PLXNC1: variants seen among roughly 807,000 people sequenced by gnomAD.
PLXNC1 encodes the protein plexin-C1.
Under a neutral mutation model 178.2 loss-of-function variants are expected in PLXNC1, and 75 were observed. The observed-to-expected ratio is 0.42, with a 90% CI of 0.35 to 0.51. PLXNC1 has a LOEUF of 0.51. Among genes scored for constraint, PLXNC1 ranks in the 20% least tolerant of loss-of-function variants. The pLI is 0.02. For synonymous variants in PLXNC1, 790 were observed against 779.9 expected, an observed-to-expected ratio of 1.01 and a Z score of -0.22; for missense variants, 1,503 against 1,984.4, an observed-to-expected ratio of 0.76 and a Z score of 4.61.
Position 94,295,458 on chromosome 12 carries a change from C to A in PLXNC1, c.3934+918C>A, listed in dbSNP as rs572913582. Among the ~76,000 whole-genome samples the A allele has an allele frequency of 6.6e-5, 10 of 152,258 alleles. 1 individual carries two copies. The highest frequency in any genetic ancestry group is 1.4e-4 in the African/African-American group (6 of 41,542). Reference sequence around the variant, plus strand: ...TGGTTTTTAGGTTTCAAAGATTGGGCCTTTTGAAGAGCCTATTATTTGGGG... The same window carrying A: ...TGGTTTTTAGGTTTCAAAGATTGGGACTTTTGAAGAGCCTATTATTTGGGG... On this transcript the variant is annotated intron_variant, in intron 24 of 30. Transcript: ENST00000258526.
At chr12:94,154,036 A>G (rs1961061272) in intron 1 of PLXNC1, among the ~76,000 whole-genome samples, 2 of 152,262 alleles carry the variant, frequency 1.3e-5, no homozygotes. Context: ...CACATATTAT[A>G]TGCAAAAATG....
chr12:94,149,733 G>T lies in PLXNC1; in HGVS notation c.762G>T (p.Thr254=). 1.2e-6 allele frequency: 2 copies of T among 1,611,848 alleles called. No homozygotes were observed. The highest frequency in any genetic ancestry group is 1.7e-6 in the Non-Finnish European group (2 of 1,179,496). ...TCCCCTACTACCCCTACAACTACAC[G>T]AGCGGCGCTGCCACCGGCTGGCCCA... ...IYFPYYPYNY[T]SGAATGWPSM... Residue 254 remains threonine (T), a synonymous_variant, in exon 1 of 31, where the codon ACG becomes ACT. Coordinates refer to ENST00000258526, the MANE Select transcript of PLXNC1 (RefSeq NM_005761.3).
At chr12:94,178,372 C>T (rs762626075) in intron 2 of PLXNC1, among the ~76,000 whole-genome samples, 5 of 152,146 alleles carry the variant, frequency 3.3e-5, no homozygotes, top group Non-Finnish European at 7.3e-5. Context: ...GATGCTTTTG[C>T]CATGATGAAT....
intron 6 of PLXNC1, among the ~76,000 whole-genome samples, chr12:94,221,421 G>A (rs1014975347): frequency 6.6e-6 from 1 of 152,092 alleles, no homozygotes; most frequent in Non-Finnish European, 1.5e-5. Context: ...CAAGGGGGAT[G>A]GAGAGAAGTG....
At position 94,248,295 on chromosome 12, in the gene PLXNC1, G is replaced by T. The variant is rs758365864; in HGVS notation, c.2661G>T (p.Gly887=). The T allele has an allele frequency of 2.5e-6, 4 of 1,613,078 alleles. No individual in the cohort carries two copies. Among genetic ancestry groups the T allele is most frequent in the Non-Finnish European group, 3.4e-6 (4 of 1,179,344 alleles). The change falls in exon 14 of 31, where the codon GGG becomes GGT. Residue 887 remains glycine (G), a synonymous_variant. Transcript: ENST00000258526. ...IEITLFHGEN[G]QLNCSFENIT... ...TTACTCTCTTCCATGGGGAAAATGG[G>T]CAATTAAATTGCAGTTTTGAAAATA... is the stretch of plus-strand genomic sequence containing the variant.
intron 27 of PLXNC1, among the ~76,000 whole-genome samples, chr12:94,300,133 C>T (rs745626500): frequency 1.3e-5 from 2 of 152,268 alleles, no homozygotes; most frequent in Middle Eastern, 3.4e-3. Flanking sequence ...GATATAGTAA[C>T]AAAACAGATG....
intron 4 of PLXNC1, among the ~76,000 whole-genome samples, chr12:94,188,270 T>G (rs893679702): frequency 1.5e-4 from 22 of 150,276 alleles, no homozygotes; most frequent in Admixed American, 1.3e-4. Flanking sequence ...CTGAAAAAAA[T>G]GAAGCAGACA....
At chr12:94,197,505 A>T (rs1962962611) in intron 4 of PLXNC1, among the ~76,000 whole-genome samples, 1 of 151,300 alleles carries the variant, frequency 6.6e-6, no homozygotes, top group Non-Finnish European at 1.5e-5. Flanking sequence ...CCATGGAATG[A>T]TGCAGCAAGA....
At chr12:94,292,973 G>A (rs1031921183) in intron 23 of PLXNC1, among the ~76,000 whole-genome samples, 2 of 152,172 alleles carry the variant, frequency 1.3e-5, no homozygotes, top group African/African-American at 4.8e-5. Context: ...AAAAATAGAA[G>A]CCCTCTCCTG....
At chr12:94,152,716 CT>C (rs986301389) in intron 1 of PLXNC1, among the ~76,000 whole-genome samples, 8 of 152,222 alleles carry the variant, frequency 5.3e-5, no homozygotes, top group Non-Finnish European at 1.2e-4. Context: ...TGCTTGCCTT[CT>C]TTCTCCCTCT....
intron 5 of PLXNC1, among the ~76,000 whole-genome samples, chr12:94,214,089 C>CTT (rs35305672): frequency 5.7e-5 from 8 of 141,208 alleles, no homozygotes; most frequent in Non-Finnish European, 1.1e-4. Context: ...ACACTAGAAA[C>CTT]TTTTTTTTTT....
At chr12:94,169,474 C>T (rs1018623648) in intron 2 of PLXNC1, among the ~76,000 whole-genome samples, 181 bp downstream of exon 2, 4 of 152,154 alleles carry the variant, frequency 2.6e-5, no homozygotes, top group Non-Finnish European at 4.4e-5. Context: ...AAGAATGCCC[C>T]GTAGCCATGT....
intron 4 of PLXNC1, among the ~76,000 whole-genome samples, chr12:94,204,778 C>A (rs571632552): frequency 1.3e-5 from 2 of 152,364 alleles, no homozygotes; most frequent in South Asian, 4.1e-4. Flanking sequence ...TAGCAAAAGA[C>A]CTTGGGTTGC....
chr12:94,155,470 C>T (rs562959498), intron 1 of PLXNC1, among the ~76,000 whole-genome samples: 47 of 152,288 alleles, frequency 3.1e-4, no homozygotes, highest in Admixed American at 3.1e-3. Context: ...AACAATTTTC[C>T]TTGTGTTCCA....
intron 5 of PLXNC1, among the ~76,000 whole-genome samples, chr12:94,211,351 C>T (rs999322586): frequency 2.0e-5 from 3 of 152,228 alleles, no homozygotes; most frequent in South Asian, 2.1e-4. Context: ...AAACCAACTT[C>T]GGACTAATTA....
intron 2 of PLXNC1, among the ~76,000 whole-genome samples, chr12:94,169,980 C>G (rs1961779058): frequency 6.6e-6 from 1 of 152,196 alleles, no homozygotes; most frequent in Non-Finnish European, 1.5e-5. Context: ...CTGAAGTTAT[C>G]TAGCGTTCAT....
Position 94,297,357 on chromosome 12 carries a change from G to A in PLXNC1, c.4008G>A (p.Lys1336=). 6.2e-7 allele frequency: 1 copy of A among 1,614,064 alleles called. No individual in the cohort carries two copies. Among genetic ancestry groups the A allele is most frequent in the South Asian group, 1.1e-5 (1 of 91,078 alleles). The part of the protein sequence containing the change: ...DSEAFQDVQG[K]RHRGKHKFKV... Reference sequence around the variant, plus strand: ...AAGCATTCCAAGATGTGCAAGGAAAGAGACATCGAGGGAAGCACAAGTTCA... The same window carrying A: ...AAGCATTCCAAGATGTGCAAGGAAAAAGACATCGAGGGAAGCACAAGTTCA... The change falls in exon 26 of 31, where the codon AAG becomes AAA. Residue 1336 remains lysine, a synonymous_variant. Transcript: ENST00000258526.
chr12:94,218,024 A>T (rs1963693123), intron 5 of PLXNC1, among the ~76,000 whole-genome samples: 1 of 152,238 alleles, frequency 6.6e-6, no homozygotes, highest in Non-Finnish European at 1.5e-5. Context: ...TGTGATTTTT[A>T]AAAATTCTGA....
At position 94,306,673 on chromosome 12, in the gene PLXNC1, C is replaced by T. The variant is rs1969053000; in HGVS notation, c.*1388C>T. The T allele has an allele frequency of 6.6e-6, 1 of 152,092 alleles. No individual in the cohort carries two copies. The highest frequency in any genetic ancestry group is 6.6e-5 in the Admixed American group (1 of 15,196). The allele number at this position is 152,092 out of a possible 1,614,324, so 9.4% of individuals were successfully genotyped here. On this transcript the variant is annotated 3_prime_UTR_variant, in exon 31 of 31. Coordinates refer to ENST00000258526, the MANE Select transcript of PLXNC1 (RefSeq NM_005761.3). ...GTCAAATAACATTGATCACATATTC[C>T]TTGAAATCATTTACCAACACTGTAT...
Sources: gnomAD v4.1 joint callset for allele counts (sites outside exome capture counted in the v4.1 genomes callset) on GRCh38, gnomAD v4.1.1 for gene constraint, MANE v1.5 for transcripts, NCBI Gene and HGNC (gene_info 2026-07-23, HGNC 2026-07-21) for gene names.